The following ANK3 variants were observed in gnomAD, a reference collection of about 807,000 sequenced individuals.
The protein encoded by ANK3 is ankyrin 3, also known as ankyrin-3.
Under a neutral mutation model 370.9 loss-of-function variants are expected in ANK3, and 57 were observed. That is an observed-to-expected ratio of 0.15 (90% CI 0.12 to 0.19). The LOEUF is 0.19. ANK3 is among the 10% of genes least tolerant of loss of function. The pLI is 1.00. For synonymous variants in ANK3, 1,929 were observed against 1,946.3 expected (o/e 0.99, Z 0.23); for missense variants, 4,439 against 5,302.1 (o/e 0.84, Z 5.06).
intron 20 of ANK3, 60 bp from the exon 21 acceptor site, chr10:60,172,463 G>C: frequency 7.2e-7 from 1 of 1,379,414 alleles, no homozygotes; most frequent in Non-Finnish European, 1.0e-6. Context: ...TTTTTTTGCT[G>C]ATACAAAATG....
chr10:60,121,840 A>G (rs1293562690), intron 25 of ANK3, among the ~76,000 whole-genome samples: 1 of 152,244 alleles, frequency 6.6e-6, no homozygotes, highest in African/African-American at 2.4e-5. Flanking sequence ...GAGGTGATAG[A>G]TACCCCATTT....
At position 60,071,592 on chromosome 10, in the gene ANK3, T is replaced by A; in HGVS notation, c.9289A>T (p.Ser3097Cys). ...KEIKTLPVYV[S>C]FVQVGKQYEK... Reference sequence around the variant, plus strand: ...TATTGCTTCCCCACTTGTACAAAACTGACATAAACGGGTAAAGTTTTTATC... The same window carrying A: ...TATTGCTTCCCCACTTGTACAAAACAGACATAAACGGGTAAAGTTTTTATC... Residue 3097 changes from serine (S) to cysteine (C), a missense_variant, in exon 37 of 44, where the codon AGT becomes TGT. Transcript: ENST00000280772. 1 of 1,614,032 alleles carries A rather than the reference T, an allele frequency of 6.2e-7. No homozygotes were observed. The highest frequency in any genetic ancestry group is 8.5e-7 in the Non-Finnish European group (1 of 1,180,006).
At chr10:60,578,667 C>A (rs946042290) in intron 2 of ANK3, among the ~76,000 whole-genome samples, 1 of 152,028 alleles carries the variant, frequency 6.6e-6, no homozygotes, top group Non-Finnish European at 1.5e-5. Context: ...GTGGAAAAGT[C>A]GTACAAAAGA....
intron 5 of ANK3, among the ~76,000 whole-genome samples, chr10:60,265,392 T>G (rs979448109): frequency 2.0e-5 from 3 of 152,130 alleles, no homozygotes; most frequent in Admixed American, 6.6e-5. Context: ...ACTCTCCCCT[T>G]TGTGTTGCCC....
At chr10:60,092,548 T>C (rs1267181619) in intron 28 of ANK3, among the ~76,000 whole-genome samples, 1 of 152,128 alleles carries the variant, frequency 6.6e-6, no homozygotes, top group East Asian at 1.9e-4. Context: ...ACTTTTATTA[T>C]CAAACATTGA....
At chr10:60,675,135 C>T (rs2079109085) in intron 1 of ANK3, among the ~76,000 whole-genome samples, 1 of 152,108 alleles carries the variant, frequency 6.6e-6, no homozygotes, top group South Asian at 2.1e-4. Context: ...ACATTCAGGT[C>T]AAGTTTTATG....
At chr10:60,479,281 G>T (rs1471876348) in intron 2 of ANK3, among the ~76,000 whole-genome samples, 1 of 151,996 alleles carries the variant, frequency 6.6e-6, no homozygotes, top group African/African-American at 2.4e-5. Context: ...TTTTTCCTAT[G>T]TTTAGATAGA....
chr10:60,615,519 A>T (rs2078256685), intron 1 of ANK3, among the ~76,000 whole-genome samples: 1 of 152,208 alleles, frequency 6.6e-6, no homozygotes, highest in Non-Finnish European at 1.5e-5. Context: ...GATACATTAA[A>T]AAAGTATGAT....
chr10:60,166,557 G>C, intron 23 of ANK3, 34 bp downstream of exon 23: 1 of 1,540,420 alleles, frequency 6.5e-7, no homozygotes, highest in Non-Finnish European at 9.0e-7. Context: ...GTTGGTAGTA[G>C]TTAAGTTTCA....
chr10:60,585,563 C>T (rs1374453524), intron 2 of ANK3, among the ~76,000 whole-genome samples: 1 of 152,098 alleles, frequency 6.6e-6, no homozygotes, highest in Non-Finnish European at 1.5e-5. Context: ...CCTATCACTT[C>T]AGGTGACATA....
At chr10:60,382,088 G>T (rs186095213) in intron 1 of ANK3, among the ~76,000 whole-genome samples, 1 of 152,216 alleles carries the variant, frequency 6.6e-6, no homozygotes, top group Admixed American at 6.5e-5. Context: ...TCATCTGATT[G>T]GTTCCAAGAC....
intron 11 of ANK3, among the ~76,000 whole-genome samples, chr10:60,204,626 CTA>C (rs1208618377): frequency 4.6e-5 from 7 of 152,082 alleles, no homozygotes; most frequent in Non-Finnish European, 8.8e-5. Flanking sequence ...GCTTCAAATC[CTA>C]TAGTTAAGCA....
chr10:60,214,771 T>C (rs1277930093), intron 8 of ANK3, among the ~76,000 whole-genome samples: 13 of 152,170 alleles, frequency 8.5e-5, no homozygotes, highest in Admixed American at 7.9e-4. Context: ...TTGATGGGCA[T>C]TTGGGTTGGT....
chr10:60,725,234 T>C (rs2079924854), intron 1 of ANK3, among the ~76,000 whole-genome samples: 1 of 152,196 alleles, frequency 6.6e-6, no homozygotes, highest in African/African-American at 2.4e-5. Flanking sequence ...TATCTAATCC[T>C]TTGCTTCTAC....
intron 8 of ANK3, among the ~76,000 whole-genome samples, chr10:60,231,771 A>G (rs2097250402): frequency 6.6e-6 from 1 of 152,210 alleles, no homozygotes; most frequent in African/African-American, 2.4e-5. Flanking sequence ...AGTCTGCCCA[A>G]CTGACACCCT....
chr10:60,505,741 C>T (rs1244110303), intron 2 of ANK3, among the ~76,000 whole-genome samples: 2 of 152,054 alleles, frequency 1.3e-5, no homozygotes, highest in African/African-American at 4.8e-5. Context: ...CTTTTGGACC[C>T]CATAAATTTC....
At chr10:60,490,949 T>G (rs1451356594) in intron 2 of ANK3, among the ~76,000 whole-genome samples, 2 of 152,214 alleles carry the variant, frequency 1.3e-5, no homozygotes, top group African/African-American at 4.8e-5. Context: ...CTGCCTCACA[T>G]GCTCAGGCCA....
chr10:60,308,656 G>T (rs943851350), intron 1 of ANK3, among the ~76,000 whole-genome samples: 2 of 152,110 alleles, frequency 1.3e-5, no homozygotes, highest in African/African-American at 4.8e-5. Context: ...AGGGAAAGTG[G>T]TTAGGGAAGC....
rs1020402854 is a variant in ANK3, at chr10:60,314,291, A to T, written c.115-34652T>A. On this transcript the variant is annotated intron_variant, in intron 1 of 43. Coordinates refer to ENST00000280772, the MANE Select transcript of ANK3 (RefSeq NM_020987.5). ...CCAGGCACTGCACTAAGCATTTTGC[A>T]TTCATTTTCCCAGTTAATTTTCACC... is the stretch of plus-strand genomic sequence containing the variant. Among the ~76,000 whole-genome samples, 6 of 152,186 alleles carry T rather than the reference A, an allele frequency of 3.9e-5. 1 individual carries two copies. Among genetic ancestry groups the T allele is most frequent in the Admixed American group, 2.6e-4 (4 of 15,268 alleles).
Sources: gnomAD v4.1 joint callset for allele counts (sites outside exome capture counted in the v4.1 genomes callset) on GRCh38, gnomAD v4.1.1 for gene constraint, MANE v1.5 for transcripts, NCBI Gene and HGNC (gene_info 2026-07-23, HGNC 2026-07-21) for gene names.